RAB44: variants seen among roughly 807,000 people sequenced by gnomAD.
RAB44 encodes the protein RAB44, member RAS oncogene family.
A neutral mutation model predicts 93.3 loss-of-function variants in RAB44; 67 were observed. The ratio of observed to expected loss-of-function variants is 0.72; its 90% CI spans 0.59 to 0.88. The LOEUF (loss-of-function observed/expected upper bound fraction) is 0.88. Ranked by LOEUF, RAB44 falls within the 40% of genes least tolerant of loss-of-function variation. RAB44 has a pLI of 0.00. For synonymous variants in RAB44, 427 were observed against 520.3 expected (o/e 0.82, Z 2.44); for missense variants, 1,064 against 1,261.7 (o/e 0.84, Z 2.37).
intron 11 of RAB44, among the ~76,000 whole-genome samples, chr6:36,727,991 C>T (rs1440719171): frequency 6.6e-6 from 1 of 152,202 alleles, no homozygotes; most frequent in Non-Finnish European, 1.5e-5. Flanking sequence ...GTTCTTGTGC[C>T]ATTCCATGTG....
At position 36,727,574 on chromosome 6, in the gene RAB44, C is replaced by A; in HGVS notation, c.2682-3C>A. The A allele has an allele frequency of 1.3e-6, 2 of 1,548,356 alleles. No individual in the cohort carries two copies. The highest frequency in any genetic ancestry group is 1.7e-6 in the Non-Finnish European group (2 of 1,145,088). ...TGTGGCCTCATGCAGACTCTCTGGG[C>A]AGGTACCACAGTATGACGCGACAGC... On this transcript the variant is annotated splice_polypyrimidine_tract_variant and splice_region_variant and intron_variant, in intron 10 of 13. Transcript: ENST00000612677.
chr6:36,699,476 T>C (rs1762461769), intron 1 of RAB44, among the ~76,000 whole-genome samples: 5 of 152,172 alleles, frequency 3.3e-5, no homozygotes, highest in Admixed American at 3.3e-4. Flanking sequence ...CTTGGCCGTG[T>C]TAGCTCCATT....
chr6:36,731,162 C>T lies in RAB44; in HGVS notation c.2975+413C>T, dbSNP rs553397961. ...CCCTACACACACACACATTCACTCA[C>T]ACCCACACACACTCACACTCTTACA... is the stretch of plus-strand genomic sequence containing the variant. On this transcript the variant is annotated intron_variant, in intron 13 of 13. Coordinates refer to ENST00000612677, the MANE Select transcript of RAB44 (RefSeq NM_001257357.2). This position sits in a 1 kb window ranked among gnomAD's most constrained non-coding sequence, Gnocchi z 4.0. 2.7e-5 allele frequency among the ~76,000 whole-genome samples: 4 copies of T among 148,694 alleles called. No homozygotes were observed. The highest frequency in any genetic ancestry group is 2.0e-4 in the Admixed American group (3 of 14,928).
At chr6:36,720,222 G>T in intron 7 of RAB44, 141 bp from the exon 8 acceptor site, 1 of 617,576 alleles carries the variant, frequency 1.6e-6, no homozygotes, top group Non-Finnish European at 2.3e-6. Flanking sequence ...AGGGATAACC[G>T]CCCACCACTA....
chr6:36,702,951 T>G (rs1762548681), intron 1 of RAB44, among the ~76,000 whole-genome samples: 1 of 152,236 alleles, frequency 6.6e-6, no homozygotes, highest in Non-Finnish European at 1.5e-5. Context: ...GGGAGCAGTA[T>G]GGACCTAGAT....
chr6:36,698,608 C>A (rs58708371), intron 1 of RAB44, among the ~76,000 whole-genome samples: 36,855 of 151,858 alleles, frequency 0.24, 4,550 homozygotes, highest in Non-Finnish European at 0.26. Context: ...TGCTGAGGGG[C>A]TATATGTGTG....
In RAB44 at chr6:36,727,729, C is replaced by T. The variant is rs558955000; in HGVS notation, c.2796+38C>T. On this transcript the variant is annotated intron_variant, in intron 11 of 13. Transcript: ENST00000612677. ...CTGCTGGGGTTGGCCCCAGTCCCTCCAGTCAAGAGGGATCTTATATCCTGC... is the reference window on the plus strand; with the variant it reads ...CTGCTGGGGTTGGCCCCAGTCCCTCTAGTCAAGAGGGATCTTATATCCTGC... The T allele has an allele frequency of 6.7e-5, 87 of 1,306,582 alleles. 1 individual carries two copies. In the South Asian group the frequency reaches 1.0e-3, roughly 15 times the overall value. The allele number at this position is 1,306,582 out of a possible 1,614,324, so 80.9% of individuals were successfully genotyped here. A position where few individuals can be genotyped will look rare whatever the true frequency, so the allele number is the denominator to read the frequency against.
At position 36,713,941 on chromosome 6, in the gene RAB44, T is replaced by C; in HGVS notation, c.319+2T>C. 2 of 1,521,140 alleles carry C rather than the reference T, an allele frequency of 1.3e-6. No individual in the cohort carries two copies. Among genetic ancestry groups the C allele is most frequent in the Non-Finnish European group, 1.8e-6 (2 of 1,133,384 alleles). The allele number at this position is 1,521,140 out of a possible 1,614,324, so 94.2% of individuals were successfully genotyped here. ...TTGAAGAATTCAGCTCTGGACTCAG[T>C]ATGTCTGTCTTTGGAGGGCCTCTGG... On this transcript the variant is annotated splice_donor_variant, in intron 3 of 13. Transcript: ENST00000612677. LOFTEE classifies it high-confidence loss of function.
At chr6:36,713,346 C>T (rs896515124) in intron 2 of RAB44, among the ~76,000 whole-genome samples, 6 of 152,168 alleles carry the variant, frequency 3.9e-5, no homozygotes, top group Non-Finnish European at 8.8e-5. Context: ...CAGTCGCTTG[C>T]CACCATGCCT....
chr6:36,715,714 T>A, intron 4 of RAB44, 61 bp downstream of exon 4: 1 of 1,505,364 alleles, frequency 6.6e-7, no homozygotes. Context: ...GGCAGGGGCT[T>A]TCCTGGACAC....
rs1341683681 is a variant in RAB44, at chr6:36,718,202, G to A, written c.732+84G>A. ...AGGAATGGGGCCAGTGACTGGCCAG[G>A]GTGGGGAACAGGAGGCTGCTGTAGT... On this transcript the variant is annotated intron_variant, in intron 6 of 13. Coordinates refer to ENST00000612677, the MANE Select transcript of RAB44 (RefSeq NM_001257357.2). 2.3e-5 allele frequency: 22 copies of A among 941,858 alleles called. No individual in the cohort carries two copies. In the South Asian group the frequency reaches 7.7e-4, roughly 33 times the overall value. 58.3% of individuals were successfully genotyped at this position (941,858 alleles called of 1,614,324 possible).
intron 2 of RAB44, among the ~76,000 whole-genome samples, chr6:36,712,594 A>G (rs1442252672): frequency 2.6e-5 from 4 of 151,996 alleles, no homozygotes; most frequent in African/African-American, 9.7e-5. Flanking sequence ...CGAACTCCTG[A>G]CCTCAAGTGA....
At chr6:36,714,053 C>G in intron 3 of RAB44, 114 bp downstream of exon 3, 1 of 690,412 alleles carries the variant, frequency 1.4e-6, no homozygotes, top group Admixed American at 2.3e-5. Flanking sequence ...ACTTTCACCC[C>G]CCATCCCCGG....
intron 1 of RAB44, among the ~76,000 whole-genome samples, chr6:36,702,089 C>A (rs1350615787): frequency 6.6e-6 from 1 of 151,968 alleles, no homozygotes; most frequent in East Asian, 1.9e-4. Flanking sequence ...GGTGACTATT[C>A]TTTGGTGGGG....
chr6:36,711,451 T>C (rs1346020465), intron 2 of RAB44, among the ~76,000 whole-genome samples: 1 of 152,238 alleles, frequency 6.6e-6, no homozygotes, highest in East Asian at 1.9e-4. Context: ...TATATGTGTT[T>C]TATCAAAACA....
Position 36,699,502 on chromosome 6 carries a change from G to A in RAB44, c.-13+1587G>A, listed in dbSNP as rs1042439267. 4.6e-5 allele frequency among the ~76,000 whole-genome samples: 7 copies of A among 152,150 alleles called. 1 individual carries two copies. The South Asian group carries it at 8.3e-4, about 18-fold the overall frequency. ...TAGCTCCATTGCCGGAAGTACATGA[G>A]ACATTGGGCGTCACCACAGGAGCCA... is the stretch of plus-strand genomic sequence containing the variant. On this transcript the variant is annotated intron_variant, in intron 1 of 13. Transcript: ENST00000612677.
Position 36,718,055 on chromosome 6 carries a change from C to T in RAB44, c.669C>T (p.Val223=), listed in dbSNP as rs865965881. 2 of 1,232,096 alleles carry T rather than the reference C, an allele frequency of 1.6e-6. No homozygotes were observed. Among genetic ancestry groups the T allele is most frequent in the South Asian group, 8.2e-5 (2 of 24,298 alleles). 76.3% of individuals were successfully genotyped at this position (1,232,096 alleles called of 1,614,324 possible). Residue 223 remains valine (V), a synonymous_variant, in exon 6 of 14, where the codon GTC becomes GTT. Coordinates refer to ENST00000612677, the MANE Select transcript of RAB44 (RefSeq NM_001257357.2). ...RKRDSDHHRE[V]QQLYEEMEQQ... ...GTGACTCTGACCACCACCGCGAGGT[C>T]CAGCAGCTCTATGAGGAGATGGAGC...
In RAB44 at chr6:36,718,527, T is replaced by G; in HGVS notation, c.767T>G (p.Met256Arg). 1 of 1,233,956 alleles carries G rather than the reference T, an allele frequency of 8.1e-7. No homozygotes were observed. The highest frequency in any genetic ancestry group is 1.0e-6 in the Non-Finnish European group (1 of 988,126). 76.4% of individuals were successfully genotyped at this position (1,233,956 alleles called of 1,614,324 possible). ...DSRGLALTSQ[M>R]QDVLEAKERE... ...CGGGGCCTGGCCCTCACCTCCCAGA[T>G]GCAGGACGTCCTAGAGGCCAAGGAG... Residue 256 changes from methionine (M) to arginine (R), a missense_variant, in exon 7 of 14, where the codon ATG (methionine) becomes AGG (arginine). Transcript: ENST00000612677.
At chr6:36,706,335 T>C (rs573592316) in intron 2 of RAB44, among the ~76,000 whole-genome samples, 36 of 152,216 alleles carry the variant, frequency 2.4e-4, no homozygotes, top group African/African-American at 6.3e-4. Flanking sequence ...CTAGGATGAG[T>C]TGGTTACCCA....
Sources: gnomAD v4.1 joint callset for allele counts (sites outside exome capture counted in the v4.1 genomes callset) on GRCh38, gnomAD v4.1.1 for gene constraint, Gnocchi (gnomAD v3.1) non-coding constraint, MANE v1.5 for transcripts, NCBI Gene and HGNC (gene_info 2026-07-23, HGNC 2026-07-21) for gene names.